The following SERPINF2 variants were observed in gnomAD, a reference collection of about 807,000 sequenced individuals.
The protein encoded by SERPINF2 is alpha-2-antiplasmin.
In SERPINF2, 15 loss-of-function variants were observed where a neutral mutation model predicts 45.0. The observed-to-expected ratio is 0.33, with a 90% CI of 0.22 to 0.51. The LOEUF is 0.51. Ranked by LOEUF, SERPINF2 falls within the 20% of genes least tolerant of loss-of-function variation. The probability of loss-of-function intolerance (pLI) is 0.97; values close to 1 mark genes in which losing one functional copy is unlikely to be tolerated. For synonymous variants in SERPINF2, 283 were observed against 277.9 expected, an observed-to-expected ratio of 1.02 and a Z score of -0.18; for missense variants, 518 against 637.4, an observed-to-expected ratio of 0.81 and a Z score of 2.02.
At chr17:1,747,540 C>T (rs761986448) in intron 7 of SERPINF2, 28 bp downstream of exon 7, 2 of 1,607,848 alleles carry the variant, frequency 1.2e-6, no homozygotes, top group Non-Finnish European at 1.7e-6. Context: ...TCAGATCCCC[C>T]ACCCTGTAGG....
chr17:1,746,904 G>C (rs1905876221), intron 5 of SERPINF2, 115 bp from the exon 6 acceptor site: 2 of 1,356,648 alleles, frequency 1.5e-6, no homozygotes, highest in South Asian at 2.7e-5. Flanking sequence ...GCTGTGGAAG[G>C]ATGGCGTGTG....
At chr17:1,749,977 CTTT>C (rs57705772) in intron 8 of SERPINF2, among the ~76,000 whole-genome samples, 2 of 144,654 alleles carry the variant, frequency 1.4e-5, no homozygotes, top group Non-Finnish European at 1.5e-5. Flanking sequence ...GGATAAACTT[CTTT>C]TTTTTTTTTT....
chr17:1,744,364 A>G (rs1418423116), intron 1 of SERPINF2, among the ~76,000 whole-genome samples: 1 of 151,996 alleles, frequency 6.6e-6, no homozygotes, highest in Non-Finnish European at 1.5e-5. Context: ...GTGGTGGTGC[A>G]TGCCTGTAAT....
Position 1,747,086 on chromosome 17 carries a change from C to T in SERPINF2, c.435C>T (p.Pro145=). ...VLHAGSGPCL[P]HLLSRLCQDL... is the part of the protein sequence containing the mutation. ...ACGCAGGCTCAGGGCCCTGCCTCCCCCATCTGCTGAGCCGCCTCTGCCAGG... is the reference window on the plus strand; with the variant it reads ...ACGCAGGCTCAGGGCCCTGCCTCCCTCATCTGCTGAGCCGCCTCTGCCAGG... Residue 145 remains proline, a synonymous_variant, in exon 6 of 10, where the codon CCC becomes CCT. Transcript: ENST00000453066. The T allele has an allele frequency of 6.2e-7, 1 of 1,610,424 alleles. No homozygotes were observed. Among genetic ancestry groups the T allele is most frequent in the Non-Finnish European group, 8.5e-7 (1 of 1,179,908 alleles).
At chr17:1,752,319 G>C (rs1206199679) in intron 8 of SERPINF2, among the ~76,000 whole-genome samples, 3 of 152,158 alleles carry the variant, frequency 2.0e-5, no homozygotes, top group African/African-American at 7.2e-5. Context: ...GCCTCCCAAA[G>C]TGCTAGGATT....
rs921843065 is a variant in SERPINF2, at chr17:1,745,985, G to T, written c.367+76G>T. ...ACTCAGTACTCCAATGGTTCTCCGC[G>T]GGCGGTTCCTCCACCAGGGTCACGT... On this transcript the variant is annotated intron_variant, in intron 5 of 9. Transcript: ENST00000453066. This position sits in a 1 kb window ranked among gnomAD's most constrained non-coding sequence, Gnocchi z 6.2. 4 of 1,512,178 alleles carry T rather than the reference G, an allele frequency of 2.6e-6. No individual in the cohort carries two copies. Among genetic ancestry groups the T allele is most frequent in the Non-Finnish European group, 3.7e-6 (4 of 1,088,670 alleles). 93.7% of individuals were successfully genotyped at this position (1,512,178 alleles called of 1,614,324 possible).
rs143651421 is a variant in SERPINF2, at chr17:1,747,125, C to T, written c.474C>T (p.Gly158=). ...GCCTCTGCCAGGACCTGGGCCCCGG[C>T]GCGTTCCGACTGGCTGCCAGGATGT... ...LSRLCQDLGP[G]AFRLAARMYL... is the part of the protein sequence containing the mutation. Residue 158 remains glycine, a synonymous_variant, in exon 6 of 10, where the codon GGC becomes GGT. Transcript: ENST00000453066. 9.3e-4 allele frequency: 1,493 copies of T among 1,611,776 alleles called. 4 individuals carry two copies. The highest frequency in any genetic ancestry group is 1.2e-3 in the Non-Finnish European group (1,395 of 1,179,992).
At chr17:1,746,057 C>T (rs1025745996) in intron 5 of SERPINF2, 148 bp downstream of exon 5, 22 of 891,246 alleles carry the variant, frequency 2.5e-5, no homozygotes, top group Middle Eastern at 2.3e-4. Flanking sequence ...CGGTGGCTCA[C>T]GCCTGTAATC....
Position 1,752,517 on chromosome 17 carries a change from C to T in SERPINF2, c.859-69C>T, listed in dbSNP as rs970124531. ...GCCCCATTGTCTGCCTTAGGAGCAC[C>T]TGCTGGCCCCACCCCCACTTAGCTT... On this transcript the variant is annotated intron_variant, in intron 8 of 9. Transcript: ENST00000453066. 4.1e-6 allele frequency: 6 copies of T among 1,449,042 alleles called. No homozygotes were observed. The African/African-American group carries it at 8.4e-5, about 20-fold the overall frequency. The allele number at this position is 1,449,042 out of a possible 1,614,324, so 89.8% of individuals were successfully genotyped here.
chr17:1,746,947 G>A (rs902964163), intron 5 of SERPINF2, 72 bp from the exon 6 acceptor site: 26 of 1,564,134 alleles, frequency 1.7e-5, no homozygotes, highest in Middle Eastern at 2.3e-4. Flanking sequence ...GGGTATCCAG[G>A]AGGGACTGGA....
At position 1,754,380 on chromosome 17, in the gene SERPINF2, C is replaced by T. The variant is rs370597102; in HGVS notation, c.1322C>T (p.Pro441Leu). The T allele has an allele frequency of 2.4e-5, 38 of 1,613,982 alleles. 1 individual carries two copies. Among genetic ancestry groups the T allele is most frequent in the South Asian group, 1.2e-4 (11 of 91,090 alleles). Residue 441 changes from proline to leucine, a missense_variant, in exon 10 of 10, where the codon CCG becomes CTG. Pro to Leu is a moderately conservative substitution (Grantham distance 98, BLOSUM62 -3). Around this residue, in one of 2 missense-constraint regions of SERPINF2, gnomAD observed 435 missense variants for 577.3 expected, o/e 0.75. Coordinates refer to ENST00000453066, the MANE Select transcript of SERPINF2 (RefSeq NM_000934.4). The part of the protein sequence containing the change: ...GSVRNPNPSA[P>L]RELKEQQDSP... ...GTGAGGAACCCCAACCCCAGTGCAC[C>T]GCGGGAGCTCAAGGAACAGCAGGAT...
Position 1,748,689 on chromosome 17 carries a change from G to T in SERPINF2, c.807G>T (p.Gln269His). 1 of 1,589,702 alleles carries T rather than the reference G, an allele frequency of 6.3e-7. No individual in the cohort carries two copies. Among genetic ancestry groups the T allele is most frequent in the Admixed American group, 1.7e-5 (1 of 59,998 alleles). Residue 269 changes from glutamine to histidine, a missense_variant, in exon 8 of 10, where the codon CAG (glutamine) becomes CAT (histidine). Coordinates refer to ENST00000453066, the MANE Select transcript of SERPINF2 (RefSeq NM_000934.4). ...TCACGGTGCCCGTGGAAATGATGCA[G>T]GCCCGCACGTACCCGCTGCGCTGGT... ...EQFTVPVEMM[Q>H]ARTYPLRWFL...
At chr17:1,748,051 A>G (rs1023864800) in intron 7 of SERPINF2, among the ~76,000 whole-genome samples, 3 of 151,322 alleles carry the variant, frequency 2.0e-5, no homozygotes, top group Non-Finnish European at 2.9e-5. Flanking sequence ...TGTAATCCCA[A>G]CACTTTGGGA....
rs889175519 is a variant in SERPINF2, at chr17:1,752,703, C to T, written c.976C>T (p.Leu326=). The T allele has an allele frequency of 6.2e-7, 1 of 1,614,144 alleles. No homozygotes were observed. The highest frequency in any genetic ancestry group is 8.5e-7 in the Non-Finnish European group (1 of 1,180,024). ...GAGTTGGGACACCCTGCACCCACCT[C>T]TGGTGTGGGAGAGGCCCACCAAGGT... ...NLSWDTLHPP[L]VWERPTKVRL... is the part of the protein sequence containing the mutation. Residue 326 remains leucine, a synonymous_variant, in exon 9 of 10, where the codon CTG becomes TTG. Coordinates refer to ENST00000453066, the MANE Select transcript of SERPINF2 (RefSeq NM_000934.4).
intron 1 of SERPINF2, chr17:1,744,499 A>C (rs1333040366): frequency 1.0e-6 from 1 of 976,554 alleles, no homozygotes. Context: ...GTCTCAAAAA[A>C]TAAACAACAA....
intron 8 of SERPINF2, among the ~76,000 whole-genome samples, chr17:1,750,049 C>T (rs1906230872): frequency 6.6e-6 from 1 of 151,878 alleles, no homozygotes; most frequent in African/African-American, 2.4e-5. Flanking sequence ...TCTCGGCTCA[C>T]TGCAGCCTCT....
rs1162240996 is a variant in SERPINF2 at position 1,751,958 on chromosome 17, G to A, written c.859-628G>A. On this transcript the variant is annotated intron_variant, in intron 8 of 9. Transcript: ENST00000453066. Reference sequence around the variant, plus strand: ...GAGACAAAGACAGGCGATTCCTTACGCCGGGTCACACGGCCAGCTGGTAGC... The same window carrying A: ...GAGACAAAGACAGGCGATTCCTTACACCGGGTCACACGGCCAGCTGGTAGC... 2.2e-5 allele frequency among the ~76,000 whole-genome samples: 3 copies of A among 138,706 alleles called. 1 individual carries two copies. Among genetic ancestry groups the A allele is most frequent in the Non-Finnish European group, 4.9e-5 (3 of 61,330 alleles). 91.0% of individuals were successfully genotyped at this position (138,706 alleles called of 152,430 possible).
In SERPINF2 at chr17:1,754,239, C is replaced by T. The variant is rs759653539; in HGVS notation, c.1181C>T (p.Ala394Val). 3.7e-6 allele frequency: 6 copies of T among 1,614,008 alleles called. No individual in the cohort carries two copies. The highest frequency in any genetic ancestry group is 1.1e-5 in the South Asian group (1 of 91,090). Residue 394 changes from alanine (A) to valine (V), a missense_variant, in exon 10 of 10, where the codon GCG (alanine) becomes GTG (valine). Physicochemically the swap from Ala to Val is moderately conservative, Grantham distance 64. Coordinates refer to ENST00000453066, the MANE Select transcript of SERPINF2 (RefSeq NM_000934.4). Reference protein sequence around the residue: ...LELSEVGVEAAAATSIAMSRM... With the variant: ...LELSEVGVEAVAATSIAMSRM... Reference sequence around the variant, plus strand: ...CTCAGCGAGGTCGGCGTGGAGGCGGCGGCGGCCACCAGCATTGCCATGTCC... The same window carrying T: ...CTCAGCGAGGTCGGCGTGGAGGCGGTGGCGGCCACCAGCATTGCCATGTCC...
intron 8 of SERPINF2, among the ~76,000 whole-genome samples, chr17:1,751,026 G>A (rs1008654698): frequency 2.6e-5 from 4 of 152,194 alleles, no homozygotes; most frequent in Non-Finnish European, 5.9e-5. Flanking sequence ...GCCAGAACCC[G>A]GGGCTTATCC....
Sources: gnomAD v4.1 joint callset for allele counts (sites outside exome capture counted in the v4.1 genomes callset) on GRCh38, gnomAD v4.1.1 for gene constraint, gnomAD v4.1.1 regional missense constraint, Gnocchi (gnomAD v3.1) non-coding constraint, MANE v1.5 for transcripts, NCBI Gene and HGNC (gene_info 2026-07-23, HGNC 2026-07-21) for gene names.